The following AKAP19 variants were observed in gnomAD, a reference collection of about 807,000 sequenced individuals.
The protein encoded by AKAP19 is A-kinase anchoring protein 19.
the AKAP19 span, among the ~76,000 whole-genome samples, chr2:189,884,928 A>G: frequency 6.6e-6 from 1 of 152,230 alleles, no homozygotes; most frequent in Non-Finnish European, 1.5e-5. Flanking sequence ...CTGAAATAGA[A>G]TACAGATAGA....
At chr2:189,964,056 A>G in the AKAP19 span, among the ~76,000 whole-genome samples, 1 of 152,234 alleles carries the variant, frequency 6.6e-6, no homozygotes, top group African/African-American at 2.4e-5. Flanking sequence ...AGCTGGCTTT[A>G]AAATGTGTAT....
the AKAP19 span, among the ~76,000 whole-genome samples, chr2:189,932,422 A>G: frequency 6.6e-6 from 1 of 151,884 alleles, no homozygotes; most frequent in Non-Finnish European, 1.5e-5. Context: ...AAAAAAAAAA[A>G]AAAGTCATTC....
chr2:189,927,697 C>T, the AKAP19 span, among the ~76,000 whole-genome samples: 62 of 152,198 alleles, frequency 4.1e-4, no homozygotes, highest in Admixed American at 1.8e-3. Flanking sequence ...GATATTCTCT[C>T]GTGTAATCTT....
At chr2:190,201,612 A>T in the AKAP19 span, 1 of 167,088 alleles carries the variant, frequency 6.0e-6, no homozygotes, top group African/African-American at 2.4e-5. Flanking sequence ...ACCCACAATC[A>T]AATAGAGTGA....
chr2:190,072,693 G>A, the AKAP19 span, among the ~76,000 whole-genome samples: 4 of 151,920 alleles, frequency 2.6e-5, no homozygotes, highest in African/African-American at 9.7e-5. Context: ...AAAATGAATA[G>A]TCAAAATAAA....
the AKAP19 span, among the ~76,000 whole-genome samples, chr2:189,991,667 A>AT: frequency 3.9e-5 from 6 of 152,158 alleles, no homozygotes; most frequent in African/African-American, 1.4e-4. Context: ...TCTGCTGATT[A>AT]TTTCTTTTGA....
chr2:189,898,624 C>T, the AKAP19 span, among the ~76,000 whole-genome samples: 1 of 152,158 alleles, frequency 6.6e-6, no homozygotes, highest in African/African-American at 2.4e-5. Context: ...CACCCAAGCT[C>T]TCAAGTTGGG....
chr2:190,047,490 A>G, the AKAP19 span, among the ~76,000 whole-genome samples: 1 of 152,058 alleles, frequency 6.6e-6, no homozygotes, highest in South Asian at 2.1e-4. Context: ...ACTGGGTACT[A>G]TTTGTCACAT....
chr2:189,951,743 G>A, the AKAP19 span, among the ~76,000 whole-genome samples: 2 of 152,170 alleles, frequency 1.3e-5, no homozygotes, highest in African/African-American at 4.8e-5. Flanking sequence ...AGCATTTGCT[G>A]AAGGCAAGTA....
chr2:190,180,405 G>A, the AKAP19 span: 2 of 926,004 alleles, frequency 2.2e-6, no homozygotes, highest in Non-Finnish European at 2.6e-6. This position sits in a 1 kb window ranked among gnomAD's most constrained non-coding sequence, Gnocchi z 6.8. Context: ...TCTCACCAGG[G>A]CGGAGCTCAG....
chr2:189,993,603 A>G, the AKAP19 span, among the ~76,000 whole-genome samples: 7,554 of 152,274 alleles, frequency 0.05, 281 homozygotes, highest in Non-Finnish European at 0.068. Flanking sequence ...AATGCCTGAT[A>G]GAATTCAGCT....
chr2:189,884,615 C>T, the AKAP19 span, among the ~76,000 whole-genome samples: 1 of 152,064 alleles, frequency 6.6e-6, no homozygotes, highest in Admixed American at 6.6e-5. Flanking sequence ...GCTGTATTCC[C>T]CCATAAAAAA....
the AKAP19 span, among the ~76,000 whole-genome samples, chr2:190,014,127 A>T: frequency 6.6e-6 from 1 of 152,144 alleles, no homozygotes; most frequent in Non-Finnish European, 1.5e-5. Flanking sequence ...TGCTTCCATT[A>T]TCATTTGTTT....
the AKAP19 span, among the ~76,000 whole-genome samples, chr2:190,043,258 G>A: frequency 6.6e-6 from 1 of 152,220 alleles, no homozygotes; most frequent in East Asian, 1.9e-4. Flanking sequence ...GGTTGTGGAA[G>A]TTTTCATGGA....
chr2:189,886,751 A>G, the AKAP19 span, among the ~76,000 whole-genome samples: 496 of 152,310 alleles, frequency 3.3e-3, 4 homozygotes, highest in African/African-American at 0.011. Flanking sequence ...ATAGGGAAGA[A>G]AAGGATAGAG....
At chr2:190,150,087 A>G in the AKAP19 span, among the ~76,000 whole-genome samples, 5 of 152,046 alleles carry the variant, frequency 3.3e-5, no homozygotes, top group African/African-American at 7.2e-5. Context: ...ACAGCCCCCA[A>G]TCCGTTTCCA....
the AKAP19 span, among the ~76,000 whole-genome samples, chr2:190,169,635 T>C: frequency 1.3e-5 from 2 of 152,220 alleles, no homozygotes; most frequent in East Asian, 1.9e-4. Context: ...TTCCACCACA[T>C]TTTAGGAGAA....
chr2:189,990,292 ACTTT>A, the AKAP19 span, among the ~76,000 whole-genome samples: 8 of 152,232 alleles, frequency 5.3e-5, no homozygotes, highest in East Asian at 1.2e-3. Context: ...GATTGAGGAC[ACTTT>A]CTTTATTTCT....
chr2:190,018,742 T>A, the AKAP19 span, among the ~76,000 whole-genome samples: 1 of 152,212 alleles, frequency 6.6e-6, no homozygotes, highest in East Asian at 1.9e-4. Flanking sequence ...GTCTGTACAT[T>A]TGAGGAGACA....
Sources: gnomAD v4.1 joint callset for allele counts (sites outside exome capture counted in the v4.1 genomes callset) on GRCh38, gnomAD v4.1.1 for gene constraint, Gnocchi (gnomAD v3.1) non-coding constraint, MANE v1.5 for transcripts, NCBI Gene and HGNC (gene_info 2026-07-23, HGNC 2026-07-21) for gene names.